Variants in ARHGAP15 observed in about 807,000 individuals in gnomAD.
ARHGAP15 encodes Rho GTPase activating protein 15.
A neutral mutation model predicts 63.7 loss-of-function variants in ARHGAP15; 51 were observed. That is an observed-to-expected ratio of 0.80 (90% CI 0.64 to 1.01). The LOEUF is 1.01. Ranked by LOEUF, ARHGAP15 falls within the 50% of genes least tolerant of loss-of-function variation. The pLI is 0.00. For synonymous variants in ARHGAP15, 191 were observed against 193.8 expected, an observed-to-expected ratio of 0.99 and a Z score of 0.12; for missense variants, 560 against 564.6, an observed-to-expected ratio of 0.99 and a Z score of 0.08.
At chr2:143,157,046 T>A (rs1341129286) in intron 2 of ARHGAP15, among the ~76,000 whole-genome samples, 1 of 151,978 alleles carries the variant, frequency 6.6e-6, no homozygotes, top group Non-Finnish European at 1.5e-5. Flanking sequence ...TATGCCGCAG[T>A]TGTTTTTGAC....
At chr2:143,506,443 A>C (rs1375999535) in intron 9 of ARHGAP15, among the ~76,000 whole-genome samples, 1 of 147,524 alleles carries the variant, frequency 6.8e-6, no homozygotes, top group Non-Finnish European at 1.5e-5. Flanking sequence ...CTAATTGATA[A>C]GTTTTAACTT....
chr2:143,665,794 A>C (rs900247201), intron 12 of ARHGAP15, among the ~76,000 whole-genome samples: 8 of 151,978 alleles, frequency 5.3e-5, no homozygotes, highest in South Asian at 4.2e-4. Flanking sequence ...AGAAAGCCAA[A>C]TCATGAGTGA....
intron 2 of ARHGAP15, among the ~76,000 whole-genome samples, chr2:143,200,812 G>C (rs937040853): frequency 1.3e-5 from 2 of 151,984 alleles, no homozygotes; most frequent in Non-Finnish European, 2.9e-5. Context: ...AAGCACATCT[G>C]GTTACTAATA....
At chr2:143,574,460 G>T (rs1696587241) in intron 11 of ARHGAP15, among the ~76,000 whole-genome samples, 1 of 151,802 alleles carries the variant, frequency 6.6e-6, no homozygotes. Context: ...AAAGATAAAA[G>T]AGCCTAAAAC....
intron 6 of ARHGAP15, among the ~76,000 whole-genome samples, chr2:143,268,788 C>T (rs1681125069): frequency 2.0e-5 from 3 of 151,860 alleles, no homozygotes; most frequent in Admixed American, 1.3e-4. Context: ...TAGAAAATAT[C>T]AAGATGAGAA....
intron 6 of ARHGAP15, among the ~76,000 whole-genome samples, chr2:143,296,808 C>T (rs1004176378): frequency 2.6e-5 from 4 of 151,838 alleles, no homozygotes; most frequent in African/African-American, 9.7e-5. Flanking sequence ...GTTATTCTTC[C>T]TGATCTTCTC....
At chr2:143,414,061 T>C (rs1033239403) in intron 6 of ARHGAP15, among the ~76,000 whole-genome samples, 1 of 151,586 alleles carries the variant, frequency 6.6e-6, no homozygotes, top group Non-Finnish European at 1.5e-5. Context: ...CAAAATATTT[T>C]TAGAGGACTA....
At chr2:143,246,165 A>G (rs1391071806) in intron 5 of ARHGAP15, among the ~76,000 whole-genome samples, 1 of 152,030 alleles carries the variant, frequency 6.6e-6, no homozygotes, top group East Asian at 1.9e-4. Context: ...TTCTAAGTAC[A>G]TGACCTTATG....
At chr2:143,490,644 A>G (rs1474495940) in intron 9 of ARHGAP15, among the ~76,000 whole-genome samples, 1 of 151,180 alleles carries the variant, frequency 6.6e-6, no homozygotes, top group Non-Finnish European at 1.5e-5. Flanking sequence ...TTTTTGAGAC[A>G]GAGGCTCACT....
chr2:143,576,039 C>T (rs1179246063), intron 11 of ARHGAP15, among the ~76,000 whole-genome samples: 1 of 152,116 alleles, frequency 6.6e-6, no homozygotes, highest in Non-Finnish European at 1.5e-5. Context: ...GGAGGTGGAA[C>T]ACAAACTCAC....
chr2:143,306,633 G>A (rs1427323696), intron 6 of ARHGAP15, among the ~76,000 whole-genome samples: 1 of 152,106 alleles, frequency 6.6e-6, no homozygotes, highest in Non-Finnish European at 1.5e-5. Context: ...TAACTAGTCT[G>A]AAGACCATTA....
At chr2:143,202,011 C>A in intron 2 of ARHGAP15, 123 bp from the exon 3 acceptor site, 1 of 770,872 alleles carries the variant, frequency 1.3e-6, no homozygotes, top group Non-Finnish European at 2.2e-6. Flanking sequence ...ACATTTACTT[C>A]TCATTTTATA....
intron 10 of ARHGAP15, among the ~76,000 whole-genome samples, chr2:143,537,771 G>A (rs1371375794): frequency 6.6e-6 from 1 of 152,212 alleles, no homozygotes; most frequent in Admixed American, 6.5e-5. Context: ...ATGCTGTTTT[G>A]GTTACTGTAG....
rs747983744 is a variant in ARHGAP15 at position 143,228,574 on chromosome 2, T to C, written c.297-7T>C. ...GCTTTCTTTCCCTTTTATTTTTTTG[T>C]CCTAAGGAAAAACTGGTCTACTTCC... is the stretch of plus-strand genomic sequence containing the variant. On this transcript the variant is annotated splice_polypyrimidine_tract_variant and splice_region_variant and intron_variant, in intron 4 of 13. Coordinates refer to ENST00000295095, the MANE Select transcript of ARHGAP15 (RefSeq NM_018460.4). 10 of 1,590,644 alleles carry C rather than the reference T, an allele frequency of 6.3e-6. No individual in the cohort carries two copies. The highest frequency in any genetic ancestry group is 1.4e-5 in the African/African-American group (1 of 73,872).
At chr2:143,696,063 A>T (rs1683831253) in intron 12 of ARHGAP15, among the ~76,000 whole-genome samples, 1 of 152,180 alleles carries the variant, frequency 6.6e-6, no homozygotes, top group African/African-American at 2.4e-5. Context: ...AAATTGATTA[A>T]ATAGAATTTT....
At chr2:143,387,860 C>T (rs111315766) in intron 6 of ARHGAP15, among the ~76,000 whole-genome samples, 3,281 of 150,660 alleles carry the variant, frequency 0.022, 120 homozygotes, top group African/African-American at 0.076. Context: ...CACGCATGGA[C>T]GCACATACAC....
chr2:143,247,147 T>C (rs1694070715), intron 5 of ARHGAP15: 1 of 152,240 alleles, frequency 6.6e-6, no homozygotes, highest in Non-Finnish European at 1.5e-5. Flanking sequence ...ACCTGAGCCC[T>C]CATCCAGTCT....
chr2:143,531,560 A>G lies in ARHGAP15; in HGVS notation c.925+12196A>G, dbSNP rs1257654163. 3.3e-5 allele frequency among the ~76,000 whole-genome samples: 5 copies of G among 152,352 alleles called. No homozygotes were observed. The East Asian group carries it at 9.6e-4, about 29-fold the overall frequency. ...TCCAACATGCAAACTTCAATCAAAG[A>G]ATATTTTAACCTCTACAATTAATAG... On this transcript the variant is annotated intron_variant, in intron 10 of 13. Coordinates refer to ENST00000295095, the MANE Select transcript of ARHGAP15 (RefSeq NM_018460.4).
chr2:143,332,152 G>T (rs1461079181), intron 6 of ARHGAP15, among the ~76,000 whole-genome samples: 1 of 151,998 alleles, frequency 6.6e-6, no homozygotes, highest in Non-Finnish European at 1.5e-5. Context: ...TTAGATCATG[G>T]TATCAATTCA....
Sources: gnomAD v4.1 joint callset for allele counts (sites outside exome capture counted in the v4.1 genomes callset) on GRCh38, gnomAD v4.1.1 for gene constraint, MANE v1.5 for transcripts, NCBI Gene and HGNC (gene_info 2026-07-23, HGNC 2026-07-21) for gene names.